Variants in SYNE1 observed in about 807,000 individuals in gnomAD.
The protein encoded by SYNE1 is nesprin-1.
A neutral mutation model predicts 1,111.0 loss-of-function variants in SYNE1; 616 were observed. The observed-to-expected ratio is 0.55, with a 90% confidence interval of 0.52 to 0.59. The LOEUF (loss-of-function observed/expected upper bound fraction) is 0.59, where lower values mean the gene tolerates loss of function less well. SYNE1 is among the 20% of genes least tolerant of loss of function. SYNE1 has a pLI of 0.00. For synonymous variants in SYNE1, 3,855 were observed against 3,825.8 expected, an observed-to-expected ratio of 1.01 and a Z score of -0.28; for missense variants, 10,006 against 10,417.0, an observed-to-expected ratio of 0.96 and a Z score of 1.72.
chr6:152,435,483 C>T (rs1373069055), intron 33 of SYNE1: 1 of 157,434 alleles, frequency 6.4e-6, no homozygotes, highest in Non-Finnish European at 1.4e-5. Context: ...AATACCGAGG[C>T]ACTGTAAACA....
intron 127 of SYNE1, among the ~76,000 whole-genome samples, chr6:152,200,717 C>A (rs1257379552): frequency 6.6e-6 from 1 of 152,196 alleles, no homozygotes; most frequent in African/African-American, 2.4e-5. Flanking sequence ...ATAAATTTAT[C>A]ATCACAGGTT....
chr6:152,391,748 C>T (rs1195254949), intron 51 of SYNE1, among the ~76,000 whole-genome samples, 180 bp from the exon 52 acceptor site: 1 of 152,092 alleles, frequency 6.6e-6, no homozygotes, highest in Non-Finnish European at 1.5e-5. Flanking sequence ...TATGATCTCT[C>T]CTAATGTTGT....
At chr6:152,317,688 G>A (rs760504763) in intron 86 of SYNE1, among the ~76,000 whole-genome samples, 5 of 152,146 alleles carry the variant, frequency 3.3e-5, no homozygotes, top group South Asian at 2.1e-4. Context: ...TATTACAGAC[G>A]TGCAATCTGA....
At chr6:152,580,274 G>A (rs1408614893) in intron 3 of SYNE1, among the ~76,000 whole-genome samples, 3 of 152,086 alleles carry the variant, frequency 2.0e-5, no homozygotes, top group Admixed American at 6.5e-5. Flanking sequence ...GAGTGATGTC[G>A]AACATTTTTT....
intron 95 of SYNE1, among the ~76,000 whole-genome samples, chr6:152,289,916 G>C (rs567555806): frequency 1.4e-5 from 2 of 141,804 alleles, no homozygotes; most frequent in East Asian, 4.4e-4. Context: ...ATGAGCTACC[G>C]CGCCCAGCCT....
At chr6:152,356,338 A>G (rs2096837644) in intron 66 of SYNE1, among the ~76,000 whole-genome samples, 1 of 151,620 alleles carries the variant, frequency 6.6e-6, no homozygotes, top group African/African-American at 2.4e-5. Flanking sequence ...ATAGTTCATA[A>G]GTAACCACTT....
At chr6:152,585,763 A>T (rs913450955) in intron 3 of SYNE1, among the ~76,000 whole-genome samples, 7 of 152,212 alleles carry the variant, frequency 4.6e-5, no homozygotes, top group Non-Finnish European at 7.3e-5. Context: ...CATGATTTTT[A>T]AAATAGTTCT....
At chr6:152,605,948 G>A (rs1238839510) in intron 3 of SYNE1, among the ~76,000 whole-genome samples, 1 of 152,092 alleles carries the variant, frequency 6.6e-6, no homozygotes, top group African/African-American at 2.4e-5. Context: ...AAAATATTAA[G>A]TTCAGGAAAG....
rs1464089457 is a variant in SYNE1, at chr6:152,404,300, G to T, written c.6738C>A (p.Asn2246Lys). The T allele has an allele frequency of 6.8e-6, 11 of 1,611,506 alleles. No homozygotes were observed. The Admixed American group carries it at 1.8e-4, about 27-fold the overall frequency. Residue 2246 changes from asparagine (N) to lysine (K), a missense_variant, in exon 46 of 146, where the codon AAC becomes AAA. Coordinates refer to ENST00000367255, the MANE Select transcript of SYNE1 (RefSeq NM_182961.4). The stretch of plus-strand genomic sequence containing the variant: ...GCAGTTCTTCCAATCTCAATGCTTT[G>T]TTTTTAACTTCAGACTGCCAAAAGG... Reference protein sequence around the residue: ...LLKEFESEVKNKALRLEELHS... With the variant: ...LLKEFESEVKKKALRLEELHS...
At chr6:152,541,385 G>T (rs1269844003) in intron 3 of SYNE1, among the ~76,000 whole-genome samples, 1 of 152,122 alleles carries the variant, frequency 6.6e-6, no homozygotes, top group Non-Finnish European at 1.5e-5. Context: ...TATTGTGTGT[G>T]TGTGACTATT....
chr6:152,368,934 C>A, intron 61 of SYNE1, 38 bp downstream of exon 61: 1 of 1,613,776 alleles, frequency 6.2e-7, no homozygotes, highest in Non-Finnish European at 8.5e-7. Context: ...TTTGCGACAT[C>A]AGTATCACAC....
chr6:152,462,217 C>G (rs891219454), intron 20 of SYNE1, among the ~76,000 whole-genome samples: 9 of 151,942 alleles, frequency 5.9e-5, no homozygotes, highest in Admixed American at 3.9e-4. Flanking sequence ...AACATCTTAT[C>G]TATACATCAT....
At chr6:152,343,860 G>A (rs943093216) in intron 74 of SYNE1, among the ~76,000 whole-genome samples, 20 of 152,250 alleles carry the variant, frequency 1.3e-4, no homozygotes, top group African/African-American at 3.9e-4. Context: ...GAGCCACTAC[G>A]CCTGGCCCCA....
At position 152,516,266 on chromosome 6, in the gene SYNE1, T is replaced by C. The variant is rs542127510; in HGVS notation, c.309+4193A>G. On this transcript the variant is annotated intron_variant, in intron 6 of 145. Coordinates refer to ENST00000367255, the MANE Select transcript of SYNE1 (RefSeq NM_182961.4). ...GTGACTTTAAAAAGATTAAGAGACTTGTGGGGAAAAAAGAGAAATTCTTTC... is the reference window on the plus strand; with the variant it reads ...GTGACTTTAAAAAGATTAAGAGACTCGTGGGGAAAAAAGAGAAATTCTTTC... 2.6e-5 allele frequency among the ~76,000 whole-genome samples: 4 copies of C among 152,208 alleles called. No homozygotes were observed. The East Asian group carries it at 7.7e-4, about 29-fold the overall frequency.
Position 152,254,891 on chromosome 6 carries a change from G to A in SYNE1, c.19459C>T (p.Leu6487=), listed in dbSNP as rs762924768. ...HQMKERLQQI[L]NFQNDLKVLF... Reference sequence around the variant, plus strand: ...AATATCTTACTTACCTGGAAATTTAGTATTTGCTGAAGTCTTTCTTTCATC... The same window carrying A: ...AATATCTTACTTACCTGGAAATTTAATATTTGCTGAAGTCTTTCTTTCATC... Residue 6487 remains leucine, a synonymous_variant, in exon 104 of 146, where the codon CTA becomes TTA. Transcript: ENST00000367255. 2.5e-6 allele frequency: 4 copies of A among 1,613,390 alleles called. No individual in the cohort carries two copies. The highest frequency in any genetic ancestry group is 3.4e-6 in the Non-Finnish European group (4 of 1,179,756).
intron 34 of SYNE1, among the ~76,000 whole-genome samples, chr6:152,431,587 T>C (rs2098429160): frequency 6.6e-6 from 1 of 152,164 alleles, no homozygotes; most frequent in African/African-American, 2.4e-5. Context: ...GAAAATTATT[T>C]CTCTGAGAAA....
Position 152,453,608 on chromosome 6 carries a change from C to G in SYNE1, c.3005G>C (p.Arg1002Pro). The G allele has an allele frequency of 6.2e-7, 1 of 1,614,184 alleles. No individual in the cohort carries two copies. Among genetic ancestry groups the G allele is most frequent in the Non-Finnish European group, 8.5e-7 (1 of 1,180,034 alleles). ...CACCTTCCATTGTTTGTGGAGCTTTCGAACAGCTTCCTGCAGCCCCTGCTG... is the reference window on the plus strand; with the variant it reads ...CACCTTCCATTGTTTGTGGAGCTTTGGAACAGCTTCCTGCAGCCCCTGCTG... ...QEQQGLQEAVRKLHKQWKDLQ... is the reference protein window; with the variant it reads ...QEQQGLQEAVPKLHKQWKDLQ... The change falls in exon 25 of 146, where the codon CGA becomes CCA. Residue 1002 changes from arginine to proline, a missense_variant. Around this residue, in one of 7 missense-constraint regions of SYNE1, gnomAD observed 1,971 missense variants for 2,084.1 expected, o/e 0.95. Transcript: ENST00000367255.
intron 137 of SYNE1, 104 bp from the exon 138 acceptor site, chr6:152,143,869 T>C (rs2058970870): frequency 1.3e-6 from 2 of 1,540,392 alleles, no homozygotes; most frequent in Non-Finnish European, 1.8e-6. Context: ...TACAGCAGCA[T>C]AGAAATGGCA....
chr6:152,250,578 A>G (rs945700502), intron 104 of SYNE1, among the ~76,000 whole-genome samples: 3 of 152,252 alleles, frequency 2.0e-5, no homozygotes, highest in African/African-American at 7.2e-5. Flanking sequence ...GAACATGAGA[A>G]CTAGAATAGT....
Sources: gnomAD v4.1 joint callset for allele counts (sites outside exome capture counted in the v4.1 genomes callset) on GRCh38, gnomAD v4.1.1 for gene constraint, gnomAD v4.1.1 regional missense constraint, MANE v1.5 for transcripts, NCBI Gene and HGNC (gene_info 2026-07-23, HGNC 2026-07-21) for gene names.